Variants in ZNF91 observed in about 807,000 individuals in gnomAD.
ZNF91 encodes the protein zinc finger protein 91 (HPF7, HTF10).
ZNF91 carries 7 observed loss-of-function variants against 12.6 expected under a neutral mutation model. The ratio of observed to expected loss-of-function variants is 0.55; its 90% CI spans 0.31 to 1.04. ZNF91 has a LOEUF of 1.04. ZNF91 is among the 50% of genes least tolerant of loss of function. ZNF91 has a pLI of 0.05. For synonymous variants in ZNF91, 453 were observed against 462.6 expected (o/e 0.98, Z 0.27); for missense variants, 1,217 against 1,385.4 (o/e 0.88, Z 1.93).
chr19:23,368,179 C>T (rs969038616), intron 3 of ZNF91, among the ~76,000 whole-genome samples: 35 of 151,976 alleles, frequency 2.3e-4, no homozygotes, highest in African/African-American at 2.2e-4. Flanking sequence ...AAGCGCTGGG[C>T]GACGAGGCCC....
intron 3 of ZNF91, among the ~76,000 whole-genome samples, chr19:23,371,082 T>G (rs1969258022): frequency 6.6e-6 from 1 of 152,104 alleles, no homozygotes; most frequent in African/African-American, 2.4e-5. Flanking sequence ...GGCTGACACC[T>G]GTAATCCCAG....
intron 1 of ZNF91, among the ~76,000 whole-genome samples, chr19:23,384,249 T>G (rs9305004): frequency 0.016 from 2,398 of 152,078 alleles, 59 homozygotes; most frequent in African/African-American, 0.054. Flanking sequence ...ACAAATAACT[T>G]CAGTATAATT....
At chr19:23,342,726 G>A (rs1255132042) in intron 3 of ZNF91, among the ~76,000 whole-genome samples, 1 of 151,920 alleles carries the variant, frequency 6.6e-6, no homozygotes. Context: ...GAAAATAGAA[G>A]CCTGATGGTA....
intron 1 of ZNF91, among the ~76,000 whole-genome samples, chr19:23,379,249 C>T (rs1969612212): frequency 6.6e-6 from 1 of 152,122 alleles, no homozygotes. Flanking sequence ...TAGGTGACAG[C>T]ACACATTTTA....
At chr19:23,385,912 GTAAC>G (rs1969854279) in intron 1 of ZNF91, among the ~76,000 whole-genome samples, 1 of 151,970 alleles carries the variant, frequency 6.6e-6, no homozygotes, top group African/African-American at 2.4e-5. Context: ...AAGTACTACT[GTAAC>G]TAAGTTATTT....
At chr19:23,305,009 T>C (rs528448199) in exon 4 of ZNF91, 2 of 152,320 alleles carry the variant, frequency 1.3e-5, no homozygotes, top group African/African-American at 4.8e-5. Context: ...TTACATCTTT[T>C]CAGGAACTGT....
chr19:23,323,870 TTC>T (rs1568368447), intron 1 of ZNF91: 5 of 76,490 alleles, frequency 6.5e-5, no homozygotes, highest in African/African-American at 3.2e-4. Flanking sequence ...TCTTCTCCTC[TTC>T]GTTTCCTATT....
At chr19:23,329,820 AG>A (rs1967895435) in intron 1 of ZNF91, among the ~76,000 whole-genome samples, 1 of 152,208 alleles carries the variant, frequency 6.6e-6, no homozygotes, top group Non-Finnish European at 1.5e-5. Flanking sequence ...GCTGGAGTGC[AG>A]GCAGGCTGTC....
chr19:23,348,383 T>C (rs911110471), intron 3 of ZNF91, among the ~76,000 whole-genome samples: 21 of 152,332 alleles, frequency 1.4e-4, no homozygotes, highest in African/African-American at 5.1e-4. Context: ...CCAAAATTAA[T>C]ACTTTTATAA....
At chr19:23,347,445 A>G (rs944212448) in intron 3 of ZNF91, among the ~76,000 whole-genome samples, 1 of 152,146 alleles carries the variant, frequency 6.6e-6, no homozygotes, top group Non-Finnish European at 1.5e-5. Context: ...TCTAGCAGAT[A>G]GAGAAGCCAA....
chr19:23,368,510 ATCTCTCTCTCTCTCTCTCTC>A lies in ZNF91; in HGVS notation c.253+5212_253+5231del, dbSNP rs573590418. Among the ~76,000 whole-genome samples the A allele has an allele frequency of 5.3e-4, 50 of 94,316 alleles. 1 individual carries two copies. Among genetic ancestry groups the A allele is most frequent in the South Asian group, 4.2e-3 (8 of 1,884 alleles). 61.9% of individuals were successfully genotyped at this position (94,316 alleles called of 152,430 possible). A position where few individuals can be genotyped will look rare whatever the true frequency, so the allele number is the denominator to read the frequency against. Reference sequence around the variant, plus strand: ...AGCCTGGGTGACAGAGCGAAACTCCATCTCTCTCTCTCTCTCTCTCTCTCTCTCTCTCTCTCTCTCTCTCT... The same window carrying A: ...AGCCTGGGTGACAGAGCGAAACTCCATCTCTCTCTCTCTCTCTCTCTCTCT... On this transcript the variant is annotated intron_variant, in intron 3 of 3. Coordinates refer to ENST00000300619, the MANE Select transcript of ZNF91 (RefSeq NM_003430.4).
At chr19:23,377,427 C>A (rs1422952190) in intron 1 of ZNF91, among the ~76,000 whole-genome samples, 1 of 152,194 alleles carries the variant, frequency 6.6e-6, no homozygotes, top group Non-Finnish European at 1.5e-5. Context: ...TAAGCATTGC[C>A]ACTCAAGCTT....
intron 3 of ZNF91, among the ~76,000 whole-genome samples, chr19:23,346,868 C>G (rs541871646): frequency 3.9e-5 from 6 of 152,308 alleles, no homozygotes; most frequent in African/African-American, 1.4e-4. Context: ...CTCTCTCCCC[C>G]ACGGCTCCTC....
upstream of ZNF91, among the ~76,000 whole-genome samples, chr19:23,313,191 A>C (rs1967498952): frequency 6.6e-6 from 1 of 152,190 alleles, no homozygotes; most frequent in African/African-American, 2.4e-5. Context: ...TACAGGTGTA[A>C]ATGTGATATA....
At chr19:23,342,506 C>T (rs1383445408) in intron 3 of ZNF91, among the ~76,000 whole-genome samples, 2 of 149,732 alleles carry the variant, frequency 1.3e-5, no homozygotes, top group African/African-American at 2.4e-5. Context: ...ATTTGTGCAA[C>T]AGTATTTAAT....
In ZNF91 at chr19:23,361,245, T is replaced by A. The variant is rs1881799001; in HGVS notation, c.1734A>T (p.Glu578Asp). The stretch of plus-strand genomic sequence containing the variant: ...AGGAATGATTAAAAGCTTTGCCACA[T>A]TCTTCACATTTGTAGAGTTTCTTTC... ...HAGKKLYKCE[E>D]CGKAFNHSSS... The change falls in exon 4 of 4, where the codon GAA becomes GAT. Residue 578 changes from glutamate (E) to aspartate (D), a missense_variant. By Grantham distance (45) the Glu-to-Asp change is conservative (BLOSUM62 2). This residue lies in a region of ZNF91 where 726 missense variants were observed against 895.5 expected (regional missense o/e 0.81). Coordinates refer to ENST00000300619, the MANE Select transcript of ZNF91 (RefSeq NM_003430.4). 1.2e-6 allele frequency: 2 copies of A among 1,613,572 alleles called. No homozygotes were observed. The highest frequency in any genetic ancestry group is 2.7e-5 in the African/African-American group (2 of 74,932).
In ZNF91 at chr19:23,361,499, C is replaced by G. The variant is rs768188019; in HGVS notation, c.1480G>C (p.Glu494Gln). The change falls in exon 4 of 4, where the codon GAA becomes CAA. Residue 494 changes from glutamate (E) to glutamine (Q), a missense_variant. Physicochemically the swap from Glu to Gln is conservative, Grantham distance 29. This residue lies in a region of ZNF91 where 726 missense variants were observed against 895.5 expected (regional missense o/e 0.81). Transcript: ENST00000300619. ...GATTGCCTAAAAGCTTTGCCACATT[C>G]TTCACATTTGTAGGGCTTCTCTCCA... ...HTGEKPYKCE[E>Q]CGKAFRQSST... 8.1e-6 allele frequency: 13 copies of G among 1,613,692 alleles called. No individual in the cohort carries two copies. The African/African-American group carries it at 1.7e-4, about 22-fold the overall frequency.
chr19:23,359,654 C>T lies in ZNF91; in HGVS notation c.3325G>A (p.Gly1109Arg), dbSNP rs1483589207. 3 of 1,613,790 alleles carry T rather than the reference C, an allele frequency of 1.9e-6. No individual in the cohort carries two copies. The highest frequency in any genetic ancestry group is 2.5e-6 in the Non-Finnish European group (3 of 1,179,976). The change falls in exon 4 of 4, where the codon GGA (glycine) becomes AGA (arginine). Residue 1109 changes from glycine (G) to arginine (R), a missense_variant. Transcript: ENST00000300619. Reference sequence around the variant, plus strand: ...TCTTTAAAGGCTTTGCCACATTCTCCACATTTGTAGGGTTTCTCTCCGGTG... The same window carrying T: ...TCTTTAAAGGCTTTGCCACATTCTCTACATTTGTAGGGTTTCTCTCCGGTG... The part of the protein sequence containing the change: ...LHTGEKPYKC[G>R]ECGKAFKESS...
chr19:23,319,057 T>G (rs1339505122), intron 1 of ZNF91, among the ~76,000 whole-genome samples: 2 of 152,190 alleles, frequency 1.3e-5, no homozygotes, highest in Non-Finnish European at 2.9e-5. Flanking sequence ...CATGGGTACA[T>G]AGCTCTGGGC....
Sources: allele counts gnomAD v4.1 joint callset (sites outside exome capture counted in the v4.1 genomes callset), GRCh38; gene constraint gnomAD v4.1.1; regional missense constraint gnomAD v4.1.1; transcripts MANE v1.5; gene names NCBI Gene and HGNC (gene_info 2026-07-23, HGNC 2026-07-21).